The following PLSCR2 variants were observed in gnomAD, a reference collection of about 807,000 sequenced individuals.
PLSCR2 encodes the protein PL scramblase 2.
A neutral mutation model predicts 25.3 loss-of-function variants in PLSCR2; 18 were observed. The ratio of observed to expected loss-of-function variants is 0.71; its 90% confidence interval spans 0.49 to 1.06. The LOEUF (loss-of-function observed/expected upper bound fraction) is 1.06. Among genes scored for constraint, PLSCR2 ranks in the 50% least tolerant of loss-of-function variants. The pLI, the probability that PLSCR2 is intolerant of heterozygous loss-of-function variation, is 0.00. For missense variants in PLSCR2, 243 were observed against 269.5 expected, an observed-to-expected ratio of 0.90 and a Z score of 0.69; for synonymous variants, 88 against 87.3, an observed-to-expected ratio of 1.01 and a Z score of -0.04.
intron 2 of PLSCR2, among the ~76,000 whole-genome samples, chr3:146,406,533 A>G (rs1339775202): frequency 1.3e-5 from 2 of 152,120 alleles, no homozygotes; most frequent in Non-Finnish European, 2.9e-5. Context: ...GAAAGAGGTG[A>G]GGAGAGGAGT....
At chr3:146,395,881 G>T in exon 3 of PLSCR2, 2 of 308,070 alleles carry the variant, frequency 6.5e-6, no homozygotes, top group Non-Finnish European at 1.3e-5. Context: ...GTACTGTTTT[G>T]AAATCTTTCC....
intron 3 of PLSCR2, among the ~76,000 whole-genome samples, chr3:146,393,376 T>C (rs1008010759): frequency 1.2e-4 from 18 of 151,944 alleles, no homozygotes; most frequent in African/African-American, 4.3e-4. Flanking sequence ...TAACCTCTAA[T>C]TGAGTGTTGT....
At chr3:146,433,719 A>G (rs2039647459) in intron 8 of PLSCR2, among the ~76,000 whole-genome samples, 1 of 152,270 alleles carries the variant, frequency 6.6e-6, no homozygotes, top group East Asian at 1.9e-4. Flanking sequence ...TATGCTAGAG[A>G]TGAGTGCCCT....
chr3:146,406,254 C>T (rs139176248), intron 2 of PLSCR2, among the ~76,000 whole-genome samples: 28 of 152,232 alleles, frequency 1.8e-4, no homozygotes, highest in African/African-American at 6.3e-4. Flanking sequence ...CGACAGCTAG[C>T]GTCAGGGTGA....
At chr3:146,494,773 A>G (rs144409574) in intron 1 of PLSCR2, 253 of 152,340 alleles carry the variant, frequency 1.7e-3, no homozygotes, top group African/African-American at 5.8e-3. Context: ...TAGAAGGAAT[A>G]TGATTTTGCA....
chr3:146,426,616 T>C (rs1285043888), intron 2 of PLSCR2, among the ~76,000 whole-genome samples: 1 of 128,392 alleles, frequency 7.8e-6, no homozygotes, highest in Non-Finnish European at 1.6e-5. Flanking sequence ...CTACAAAGAG[T>C]GATTTGTATT....
At chr3:146,410,011 T>G (rs958126433) in intron 2 of PLSCR2, among the ~76,000 whole-genome samples, 1 of 152,122 alleles carries the variant, frequency 6.6e-6, no homozygotes, top group African/African-American at 2.4e-5. Context: ...GCGTTTTCCC[T>G]TCTCATTTTC....
At chr3:146,455,565 G>A in intron 3 of PLSCR2, 106 bp from the exon 4 acceptor site, 3 of 676,788 alleles carry the variant, frequency 4.4e-6, no homozygotes, top group Admixed American at 5.4e-5. Flanking sequence ...ATCATAGAAA[G>A]AACAAAAAGG....
At chr3:146,480,253 A>T (rs537142007) in intron 1 of PLSCR2, among the ~76,000 whole-genome samples, 2 of 152,328 alleles carry the variant, frequency 1.3e-5, no homozygotes, top group Admixed American at 1.3e-4. Context: ...GAACTGAAGG[A>T]GATAGAGACA....
chr3:146,458,489 A>G, intron 2 of PLSCR2, 36 bp from the exon 3 acceptor site: 1 of 1,328,052 alleles, frequency 7.5e-7, no homozygotes, highest in Non-Finnish European at 1.0e-6. Context: ...TTGTATGTCA[A>G]ATATTTTATA....
chr3:146,455,381 T>C lies in PLSCR2; in HGVS notation c.179A>G (p.Asp60Gly), dbSNP rs2041151974. The change falls in exon 4 of 7, where the codon GAT becomes GGT. Residue 60 changes from aspartate (D) to glycine (G), a missense_variant. Transcript: ENST00000610787. Reference sequence around the variant, plus strand: ...GCAATTTCGGATACAGAAATTAGTATCTTCTGCTGCAAAATAAATCCTCTG... The same window carrying C: ...GCAATTTCGGATACAGAAATTAGTACCTTCTGCTGCAAAATAAATCCTCTG... The C allele has an allele frequency of 4.3e-6, 7 of 1,613,654 alleles. No homozygotes were observed. In the East Asian group the frequency reaches 1.6e-4, roughly 36 times the overall value.
chr3:146,441,250 C>T (rs2040226438), downstream of PLSCR2, among the ~76,000 whole-genome samples: 1 of 152,008 alleles, frequency 6.6e-6, no homozygotes, highest in Non-Finnish European at 1.5e-5. Flanking sequence ...ATCACATTTA[C>T]TTTTGCTTGA....
Position 146,449,135 on chromosome 3 carries a change from A to G in PLSCR2, c.645+71T>C, listed in dbSNP as rs190308884. On this transcript the variant is annotated intron_variant, in intron 6 of 6. Transcript: ENST00000610787. ...TTTAAATGGTAATCTTAAAATGTATAATTTATTGAAGTATTTCAGAATGAT... is the reference window on the plus strand; with the variant it reads ...TTTAAATGGTAATCTTAAAATGTATGATTTATTGAAGTATTTCAGAATGAT... 22 of 1,095,496 alleles carry G rather than the reference A, an allele frequency of 2.0e-5. No individual in the cohort carries two copies. In the Admixed American group the frequency reaches 4.7e-4, roughly 24 times the overall value. 67.9% of individuals were successfully genotyped at this position (1,095,496 alleles called of 1,614,324 possible). A position where few individuals can be genotyped will look rare whatever the true frequency, so the allele number is the denominator to read the frequency against.
At chr3:146,449,183 A>C in intron 6 of PLSCR2, 23 bp downstream of exon 6, 1 of 1,577,184 alleles carries the variant, frequency 6.3e-7, no homozygotes, top group Non-Finnish European at 8.7e-7. Flanking sequence ...ATCTGTCACC[A>C]AGATTAGCAG....
Position 146,436,021 on chromosome 3 carries a change from T to A in PLSCR2, c.*35-2504A>T, listed in dbSNP as rs565531046. Among the ~76,000 whole-genome samples, 5 of 152,220 alleles carry A rather than the reference T, an allele frequency of 3.3e-5. No individual in the cohort carries two copies. The East Asian group carries it at 5.8e-4, about 18-fold the overall frequency. On this transcript the variant is annotated intron_variant, in intron 8 of 8. Transcript: ENST00000336685. Reference sequence around the variant, plus strand: ...GCCAGTATTTCCAGCACCATTTATTTAATAGGGAATCCTTTCCCCATTTCT... The same window carrying A: ...GCCAGTATTTCCAGCACCATTTATTAAATAGGGAATCCTTTCCCCATTTCT...
chr3:146,448,231 G>A (rs2040678266), intron 6 of PLSCR2, among the ~76,000 whole-genome samples: 1 of 152,164 alleles, frequency 6.6e-6, no homozygotes, highest in South Asian at 2.1e-4. Flanking sequence ...CTGCAATGGG[G>A]ATAATTCTCA....
At chr3:146,404,821 A>AAAGG (rs71158238) in intron 2 of PLSCR2, among the ~76,000 whole-genome samples, 19,513 of 123,748 alleles carry the variant, frequency 0.16, 1,921 homozygotes, top group South Asian at 0.34. Context: ...AAAAAAAAAA[A>AAAGG]GGGGGGGGGT....
At chr3:146,441,555 A>G (rs1014157207), downstream of PLSCR2, among the ~76,000 whole-genome samples, 7 of 151,994 alleles carry the variant, frequency 4.6e-5, no homozygotes, top group Admixed American at 3.3e-4. Context: ...AATCTAATAA[A>G]GTATATAAAA....
At chr3:146,468,606 A>C (rs1039205480) in intron 1 of PLSCR2, among the ~76,000 whole-genome samples, 2 of 152,110 alleles carry the variant, frequency 1.3e-5, no homozygotes, top group Non-Finnish European at 2.9e-5. Flanking sequence ...ACTTTACATT[A>C]ACACACATTA....
Sources: allele counts gnomAD v4.1 joint callset (sites outside exome capture counted in the v4.1 genomes callset), GRCh38; gene constraint gnomAD v4.1.1; transcripts MANE v1.5; gene names NCBI Gene and HGNC (gene_info 2026-07-23, HGNC 2026-07-21).